The following TENM1 variants were observed in gnomAD, a reference collection of about 807,000 sequenced individuals.
TENM1 encodes teneurin-1.
In TENM1, 35 loss-of-function variants were observed where a neutral mutation model predicts 174.8. That is an observed-to-expected ratio of 0.20 (90% confidence interval 0.15 to 0.27). The LOEUF (loss-of-function observed/expected upper bound fraction) is 0.27, where lower values mean the gene tolerates loss of function less well. Among genes scored for constraint, TENM1 ranks in the 10% least tolerant of loss-of-function variants. The pLI is 1.00. For missense variants in TENM1, 1,633 were observed against 2,130.1 expected (o/e 0.77, Z 4.59); for synonymous variants, 781 against 798.7 (o/e 0.98, Z 0.37).
chrX:124,932,010 G>A (rs746635150), intron 1 of TENM1, among the ~76,000 whole-genome samples: 12 of 111,707 alleles, frequency 1.1e-4, no homozygotes, highest in Non-Finnish European at 2.3e-4. Flanking sequence ...CCACAAAGCG[G>A]CTACCTGGTC....
At chrX:124,758,145 C>T (rs1199905523) in intron 3 of TENM1, among the ~76,000 whole-genome samples, 1 of 111,496 alleles carries the variant, frequency 9.0e-6, no homozygotes, top group African/African-American at 3.3e-5. Context: ...GGAACTCATA[C>T]AATTCAATAG....
At chrX:124,966,998 G>GCTTA (rs759149815), upstream of TENM1, among the ~76,000 whole-genome samples, 213 of 111,730 alleles carry the variant, frequency 1.9e-3, 1 homozygote, top group Middle Eastern at 4.7e-3. Context: ...GGAACTCATA[G>GCTTA]CTTAATATAC....
rs369725708 is a variant in TENM1, at chrX:124,894,314, G to T, written c.517C>A (p.Gln173Lys). The change falls in exon 3 of 32, where the codon CAA (glutamine) becomes AAA (lysine). Residue 173 changes from glutamine to lysine, a missense_variant. Gln to Lys is a moderately conservative substitution (Grantham distance 53). This residue lies in a region of TENM1 where 305 missense variants were observed against 309.2 expected (regional missense o/e 0.99). Transcript: ENST00000422452. ...CACTTGCCTTGAGTAGACCCAGCTT[G>T]AGCCTCCATGTCACAACAAACAGGA... 7.2e-5 allele frequency: 86 copies of T among 1,199,825 alleles called. No individual in the cohort carries two copies. The highest frequency in any genetic ancestry group is 9.4e-5 in the Non-Finnish European group (84 of 889,867).
chrX:124,414,704 G>A (rs1314802148), intron 25 of TENM1, among the ~76,000 whole-genome samples: 2 of 111,079 alleles, frequency 1.8e-5, no homozygotes, highest in Non-Finnish European at 3.8e-5. Context: ...AAAAGCCCAG[G>A]CACTACCACT....
chrX:124,668,208 G>A (rs911650260), intron 6 of TENM1, among the ~76,000 whole-genome samples: 1 of 111,747 alleles, frequency 8.9e-6, no homozygotes, highest in Non-Finnish European at 1.9e-5. Flanking sequence ...AACAGGTGCT[G>A]GAGAGGATGT....
At chrX:124,454,681 C>T (rs1033376684) in intron 22 of TENM1, among the ~76,000 whole-genome samples, 2 of 111,586 alleles carry the variant, frequency 1.8e-5, no homozygotes, top group Admixed American at 9.5e-5. Flanking sequence ...GGATTACAGG[C>T]GTGAGATATC....
intron 3 of TENM1, among the ~76,000 whole-genome samples, chrX:124,774,894 T>G (rs1297121133): frequency 9.0e-6 from 1 of 110,987 alleles, no homozygotes; most frequent in Non-Finnish European, 1.9e-5. Flanking sequence ...GGTCAGACCC[T>G]GCATCATTCT....
At chrX:125,028,856 A>G in the TENM1 span, among the ~76,000 whole-genome samples, 2 of 111,719 alleles carry the variant, frequency 1.8e-5, no homozygotes, top group Admixed American at 9.5e-5. Context: ...AAGAAGTTTC[A>G]GCTTTGTCTG....
intron 3 of TENM1, among the ~76,000 whole-genome samples, chrX:124,884,961 C>T (rs1050719463): frequency 1.8e-5 from 2 of 111,899 alleles, no homozygotes; most frequent in African/African-American, 6.5e-5. Context: ...TGTTGCTAGG[C>T]TACAAACCTG....
At chrX:124,886,548 T>TATAGAGAGAG (rs1187597592) in intron 3 of TENM1, among the ~76,000 whole-genome samples, 1 of 59,993 alleles carries the variant, frequency 1.7e-5, no homozygotes, top group Non-Finnish European at 3.0e-5. Context: ...TATATATATA[T>TATAGAGAGAG]AGAGAGAGAG....
the TENM1 span, among the ~76,000 whole-genome samples, chrX:124,972,525 A>G: frequency 2.7e-5 from 3 of 112,057 alleles, no homozygotes; most frequent in Admixed American, 9.5e-5. Flanking sequence ...CAGAAAATGA[A>G]TTATAGTTTG....
rs188227798 is a variant in TENM1, at chrX:124,610,119, G to C, written c.2077+31672C>G. Among the ~76,000 whole-genome samples, 6 of 111,980 alleles carry C rather than the reference G, an allele frequency of 5.4e-5. No individual in the cohort carries two copies. The East Asian group carries it at 1.4e-3, about 26-fold the overall frequency. Reference sequence around the variant, plus strand: ...TAGGCACAAAATCACTCCATTAGACGGAGAGGAGATAGGTAACTATTTTCA... The same window carrying C: ...TAGGCACAAAATCACTCCATTAGACCGAGAGGAGATAGGTAACTATTTTCA... On this transcript the variant is annotated intron_variant, in intron 11 of 31. Coordinates refer to ENST00000422452, the Ensembl canonical transcript of TENM1.
the TENM1 span, among the ~76,000 whole-genome samples, chrX:125,024,774 G>A: frequency 8.9e-6 from 1 of 111,881 alleles, no homozygotes; most frequent in Non-Finnish European, 1.9e-5. Context: ...AATAAGATAT[G>A]CTTAGAATAA....
chrX:125,196,205 T>A, the TENM1 span, among the ~76,000 whole-genome samples: 2 of 111,142 alleles, frequency 1.8e-5, no homozygotes, highest in African/African-American at 6.5e-5. Context: ...CCCAAAAAAG[T>A]TTCTTTTTTT....
At chrX:124,856,965 T>C (rs768380432) in intron 3 of TENM1, among the ~76,000 whole-genome samples, 1 of 111,439 alleles carries the variant, frequency 9.0e-6, no homozygotes, top group Non-Finnish European at 1.9e-5. Flanking sequence ...GCACTGCATA[T>C]AGTAAGCATA....
At chrX:124,573,407 CTTTG>C (rs199811353) in intron 11 of TENM1, among the ~76,000 whole-genome samples, 1,257 of 111,510 alleles carry the variant, frequency 0.011, 8 homozygotes, top group African/African-American at 0.023. Flanking sequence ...TACATAGGGA[CTTTG>C]TTTGTATTTA....
chrX:124,882,995 T>C (rs2057326176), intron 3 of TENM1, among the ~76,000 whole-genome samples: 1 of 112,261 alleles, frequency 8.9e-6, no homozygotes, highest in Non-Finnish European at 1.9e-5. Flanking sequence ...CCTGGGTTTT[T>C]AATTTAATTT....
intron 1 of TENM1, among the ~76,000 whole-genome samples, chrX:124,928,378 T>G (rs781676881): frequency 8.9e-6 from 1 of 112,158 alleles, no homozygotes; most frequent in Non-Finnish European, 1.9e-5. Context: ...TCCAACATAC[T>G]ACATCAAACT....
chrX:125,190,961 CAT>C, the TENM1 span, among the ~76,000 whole-genome samples: 1 of 111,177 alleles, frequency 9.0e-6, no homozygotes, highest in Non-Finnish European at 1.9e-5. Context: ...GGTAGTATAA[CAT>C]AAACATTTTC....
Sources: allele counts gnomAD v4.1 joint callset (sites outside exome capture counted in the v4.1 genomes callset), GRCh38; gene constraint gnomAD v4.1.1; regional missense constraint gnomAD v4.1.1; transcripts MANE v1.5; gene names NCBI Gene and HGNC (gene_info 2026-07-23, HGNC 2026-07-21).